The following EXT1 variants were observed in gnomAD, a reference collection of about 807,000 sequenced individuals.
EXT1 encodes exostosin glycosyltransferase 1.
In EXT1, 20 loss-of-function variants were observed where a neutral mutation model predicts 82.5. The ratio of observed to expected loss-of-function variants is 0.24; its 90% CI spans 0.17 to 0.35. The LOEUF (loss-of-function observed/expected upper bound fraction) is 0.35, where lower values mean the gene tolerates loss of function less well. Ranked by LOEUF, EXT1 falls within the 10% of genes least tolerant of loss-of-function variation. The probability of loss-of-function intolerance (pLI) is 1.00; values close to 1 mark genes in which losing one functional copy is unlikely to be tolerated. For missense variants in EXT1, 757 were observed against 936.5 expected (o/e 0.81, Z 2.50); for synonymous variants, 348 against 350.8 (o/e 0.99, Z 0.09).
chr8:117,960,564 CTACTTTTG>C (rs1467162927), intron 1 of EXT1, among the ~76,000 whole-genome samples: 2 of 152,340 alleles, frequency 1.3e-5, no homozygotes, highest in East Asian at 3.9e-4. Context: ...AACAGTTTCA[CTACTTTTG>C]TACATAATTA....
At chr8:117,933,549 T>C (rs930129168) in intron 1 of EXT1, among the ~76,000 whole-genome samples, 1 of 152,178 alleles carries the variant, frequency 6.6e-6, no homozygotes, top group African/African-American at 2.4e-5. Context: ...TTAATCTATG[T>C]CTGAAAGTGA....
At chr8:117,880,017 C>G (rs1390182526) in intron 1 of EXT1, among the ~76,000 whole-genome samples, 1 of 152,094 alleles carries the variant, frequency 6.6e-6, no homozygotes, top group African/African-American at 2.4e-5. Context: ...AATGAGTTAG[C>G]CTTTGAACCC....
intron 4 of EXT1, among the ~76,000 whole-genome samples, chr8:117,828,682 G>C (rs1812047365): frequency 6.6e-6 from 1 of 152,154 alleles, no homozygotes; most frequent in Non-Finnish European, 1.5e-5. Context: ...TAATTGAGGA[G>C]ATTGCTTTTG....
chr8:118,020,434 TTG>T (rs1246794704), intron 1 of EXT1, among the ~76,000 whole-genome samples: 1 of 152,264 alleles, frequency 6.6e-6, no homozygotes, highest in African/African-American at 2.4e-5. Flanking sequence ...ACTATTTTAA[TTG>T]TGTTATTTAA....
intron 1 of EXT1, among the ~76,000 whole-genome samples, chr8:118,060,545 G>A (rs932478686): frequency 5.3e-5 from 8 of 152,182 alleles, no homozygotes; most frequent in African/African-American, 1.2e-4. Flanking sequence ...CTCTCAGGAA[G>A]CCAGTCCCCA....
At chr8:118,009,502 G>A (rs952997105) in intron 1 of EXT1, among the ~76,000 whole-genome samples, 4 of 151,044 alleles carry the variant, frequency 2.6e-5, no homozygotes, top group Non-Finnish European at 5.9e-5. Flanking sequence ...CTCCAAAAGG[G>A]CAAGCAATAT....
intron 1 of EXT1, among the ~76,000 whole-genome samples, chr8:117,884,207 T>C (rs1292001733): frequency 6.6e-6 from 1 of 152,196 alleles, no homozygotes; most frequent in East Asian, 1.9e-4. Context: ...TCCTCTCCTT[T>C]CTCCACGCCA....
At chr8:117,972,698 C>T (rs924946959) in intron 1 of EXT1, among the ~76,000 whole-genome samples, 1 of 152,150 alleles carries the variant, frequency 6.6e-6, no homozygotes, top group Non-Finnish European at 1.5e-5. Flanking sequence ...ACTCACAGTT[C>T]GGCGTAGCTG....
chr8:118,037,070 C>T (rs2129892401), intron 1 of EXT1, among the ~76,000 whole-genome samples: 1 of 152,268 alleles, frequency 6.6e-6, no homozygotes, highest in South Asian at 2.1e-4. Context: ...CTCAAAAACA[C>T]TCGAGAGACA....
intron 1 of EXT1, among the ~76,000 whole-genome samples, chr8:117,915,565 C>G (rs1297875171): frequency 6.6e-6 from 1 of 152,146 alleles, no homozygotes; most frequent in Admixed American, 6.5e-5. Flanking sequence ...TATCAAATCA[C>G]TATTTGAGGT....
chr8:118,052,829 AC>A (rs1816740055), intron 1 of EXT1, among the ~76,000 whole-genome samples: 1 of 152,220 alleles, frequency 6.6e-6, no homozygotes, highest in Non-Finnish European at 1.5e-5. Flanking sequence ...AGTGAAGGCA[AC>A]ACAAGAGCTT....
intron 1 of EXT1, among the ~76,000 whole-genome samples, chr8:118,035,244 C>T (rs978190837): frequency 6.6e-6 from 1 of 152,104 alleles, no homozygotes; most frequent in African/African-American, 2.4e-5. Flanking sequence ...CTCACTCGCA[C>T]ACAGGAAGCT....
chr8:117,995,988 C>A (rs757532775), intron 1 of EXT1, among the ~76,000 whole-genome samples: 60 of 152,176 alleles, frequency 3.9e-4, no homozygotes, highest in Non-Finnish European at 7.9e-4. Context: ...ATGATTATAG[C>A]AATATTTCTT....
chr8:118,086,989 C>T (rs1383861814), intron 1 of EXT1, among the ~76,000 whole-genome samples: 1 of 152,210 alleles, frequency 6.6e-6, no homozygotes, highest in African/African-American at 2.4e-5. Context: ...CCACATAAAA[C>T]TGTCACCATG....
chr8:117,867,898 A>G (rs1184678907), intron 1 of EXT1, among the ~76,000 whole-genome samples: 1 of 152,180 alleles, frequency 6.6e-6, no homozygotes, highest in Admixed American at 6.5e-5. Context: ...CCGGTTCTAG[A>G]AACCAGTTTA....
At chr8:118,065,421 GCAAAA>G (rs1047085217) in intron 1 of EXT1, among the ~76,000 whole-genome samples, 1 of 152,090 alleles carries the variant, frequency 6.6e-6, no homozygotes, top group Non-Finnish European at 1.5e-5. Context: ...CTAAACTGTG[GCAAAA>G]CAAAACAAAA....
At chr8:117,957,451 GC>G (rs1322896001) in intron 1 of EXT1, among the ~76,000 whole-genome samples, 3 of 152,172 alleles carry the variant, frequency 2.0e-5, no homozygotes, top group Non-Finnish European at 4.4e-5. Context: ...TGGCCTCTCG[GC>G]CCGGAATAAA....
At chr8:117,956,629 T>C (rs1814593058) in intron 1 of EXT1, among the ~76,000 whole-genome samples, 1 of 152,064 alleles carries the variant, frequency 6.6e-6, no homozygotes, top group African/African-American at 2.4e-5. Context: ...GTATTTTTAG[T>C]AGAGACAAGG....
intron 1 of EXT1, among the ~76,000 whole-genome samples, chr8:117,849,264 A>G (rs772745064): frequency 1.3e-5 from 2 of 152,118 alleles, no homozygotes; most frequent in Non-Finnish European, 2.9e-5. Flanking sequence ...CAGAATTCAC[A>G]CATGTATTTG....
Sources: allele counts gnomAD v4.1 joint callset (sites outside exome capture counted in the v4.1 genomes callset), GRCh38; gene constraint gnomAD v4.1.1; transcripts MANE v1.5; gene names NCBI Gene and HGNC (gene_info 2026-07-23, HGNC 2026-07-21).